The following LPIN3 variants were observed in gnomAD, a reference collection of about 807,000 sequenced individuals.
LPIN3 encodes phosphatidate phosphatase LPIN3.
A neutral mutation model predicts 94.7 loss-of-function variants in LPIN3; 82 were observed. The ratio of observed to expected loss-of-function variants is 0.87; its 90% CI spans 0.72 to 1.04. The LOEUF is 1.04. Ranked by LOEUF, LPIN3 falls within the 50% of genes least tolerant of loss-of-function variation. The pLI is 0.00. For synonymous variants in LPIN3, 418 were observed against 443.3 expected, an observed-to-expected ratio of 0.94 and a Z score of 0.72; for missense variants, 996 against 1,090.5, an observed-to-expected ratio of 0.91 and a Z score of 1.22.
At chr20:41,349,014 C>T in intron 4 of LPIN3, 78 bp from the exon 5 acceptor site, 2 of 1,587,404 alleles carry the variant, frequency 1.3e-6, no homozygotes, top group East Asian at 2.2e-5. Flanking sequence ...CCTTACCAAG[C>T]CCCTGATGTC....
At chr20:41,350,496 CT>C in intron 7 of LPIN3, 99 bp downstream of exon 7, 1 of 936,544 alleles carries the variant, frequency 1.1e-6, no homozygotes, top group Non-Finnish European at 1.6e-6. Context: ...CTGCTGTGTG[CT>C]AGGTGCTGTT....
chr20:41,346,047 TG>T, intron 2 of LPIN3, 52 bp downstream of exon 2: 1 of 1,568,866 alleles, frequency 6.4e-7, no homozygotes. Context: ...CTTTTTAAGC[TG>T]GGGCAGCCAC....
At chr20:41,351,300 A>T (rs1188602319) in intron 7 of LPIN3, among the ~76,000 whole-genome samples, 3 of 136,080 alleles carry the variant, frequency 2.2e-5, no homozygotes, top group African/African-American at 2.7e-5. Context: ...ATAAAATTCC[A>T]TTTTTTTTTT....
At chr20:41,355,108 GGGTTCAAGCGAT>G (rs1569007711) in intron 13 of LPIN3, among the ~76,000 whole-genome samples, 1 of 152,034 alleles carries the variant, frequency 6.6e-6, no homozygotes, top group Non-Finnish European at 1.5e-5. Context: ...TCCACCTCCC[GGGTTCAAGCGAT>G]TTTCCTGCCT....
At chr20:41,349,644 C>T (rs1219874420) in intron 5 of LPIN3, 130 bp from the exon 6 acceptor site, 16 of 1,130,528 alleles carry the variant, frequency 1.4e-5, no homozygotes, top group Non-Finnish European at 3.7e-6. Flanking sequence ...TAGATCTTTA[C>T]ATATTCCTTA....
Position 41,358,039 on chromosome 20 carries a change from C to A in LPIN3, c.2192+5C>A. 6.3e-7 allele frequency: 1 copy of A among 1,596,182 alleles called. No individual in the cohort carries two copies. Among genetic ancestry groups the A allele is most frequent in the Non-Finnish European group, 8.5e-7 (1 of 1,171,986 alleles). Reference sequence around the variant, plus strand: ...CCTCTTCTCTGCCCTCCACAGGTAACCACCCCTACACATACAAGCCCGTGG... The same window carrying A: ...CCTCTTCTCTGCCCTCCACAGGTAAACACCCCTACACATACAAGCCCGTGG... On this transcript the variant is annotated splice_donor_5th_base_variant and intron_variant, in intron 17 of 19. Transcript: ENST00000373257.
chr20:41,351,962 C>G, intron 8 of LPIN3, 42 bp downstream of exon 8: 1 of 1,613,698 alleles, frequency 6.2e-7, no homozygotes, highest in Non-Finnish European at 8.5e-7. Flanking sequence ...GGTCTGGGCT[C>G]CTGGGGCCAA....
intron 10 of LPIN3, 44 bp downstream of exon 10, chr20:41,352,743 C>T (rs1310484984): frequency 6.2e-7 from 1 of 1,612,392 alleles, no homozygotes; most frequent in Admixed American, 1.7e-5. Flanking sequence ...AGAGTCATTT[C>T]CCTCTTCACA....
In LPIN3 at chr20:41,354,730, C is replaced by T; in HGVS notation, c.1613C>T (p.Ala538Val). 2 of 1,607,296 alleles carry T rather than the reference C, an allele frequency of 1.2e-6. No individual in the cohort carries two copies. The highest frequency in any genetic ancestry group is 1.7e-6 in the Non-Finnish European group (2 of 1,176,040). ...WFSWRRRDFL[A>V]EERSAQKEKT... ...TCCTGGCGACGCAGGGACTTCCTGG[C>T]CGAGGAGGTGGGTGGTCACAGTCGA... Residue 538 changes from alanine (A) to valine (V), a missense_variant, in exon 12 of 20, where the codon GCC becomes GTC. Ala to Val is a moderately conservative substitution (Grantham distance 64, BLOSUM62 0). Coordinates refer to ENST00000373257, the MANE Select transcript of LPIN3 (RefSeq NM_022896.3).
At chr20:41,352,892 C>T in intron 11 of LPIN3, 25 bp downstream of exon 11, 1 of 1,612,684 alleles carries the variant, frequency 6.2e-7, no homozygotes, top group Non-Finnish European at 8.5e-7. Flanking sequence ...ACCACTGCCC[C>T]TGCTGGGGAA....
In LPIN3 at chr20:41,350,237, C is replaced by A; in HGVS notation, c.942C>A (p.Pro314=). 1 of 1,613,812 alleles carries A rather than the reference C, an allele frequency of 6.2e-7. No individual in the cohort carries two copies. The highest frequency in any genetic ancestry group is 1.1e-5 in the South Asian group (1 of 91,076). The change falls in exon 7 of 20, where the codon CCC becomes CCA. Residue 314 remains proline (P), a synonymous_variant. Coordinates refer to ENST00000373257, the MANE Select transcript of LPIN3 (RefSeq NM_022896.3). ...ACCTTCAGCCTGACACAGAGGATCC[C>A]ACTCTAGTGGGTCCCCCTCTCCACA... ...GADLQPDTED[P]TLVGPPLHTP... is the part of the protein sequence containing the mutation.
At chr20:41,348,555 C>T in intron 3 of LPIN3, 64 bp from the exon 4 acceptor site, 1 of 1,539,856 alleles carries the variant, frequency 6.5e-7, no homozygotes, top group Non-Finnish European at 8.8e-7. Context: ...CTCAAGATGA[C>T]TGTGTGGTGA....
In LPIN3 at chr20:41,358,259, G is replaced by A. The variant is rs781659803; in HGVS notation, c.2215G>A (p.Glu739Lys). 9.3e-6 allele frequency: 15 copies of A among 1,613,946 alleles called. No homozygotes were observed. The highest frequency in any genetic ancestry group is 1.3e-5 in the Non-Finnish European group (15 of 1,180,042). The change falls in exon 18 of 20, where the codon GAG (glutamate) becomes AAG (lysine). Residue 739 changes from glutamate (E) to lysine (K), a missense_variant. Coordinates refer to ENST00000373257, the MANE Select transcript of LPIN3 (RefSeq NM_022896.3). ...LHREVIEKKPEVFKVACLSDI... is the reference protein window; with the variant it reads ...LHREVIEKKPKVFKVACLSDI... Reference sequence around the variant, plus strand: ...CAGAGAGGTGATCGAGAAGAAACCAGAGGTGTTCAAGGTCGCCTGCCTGAG... The same window carrying A: ...CAGAGAGGTGATCGAGAAGAAACCAAAGGTGTTCAAGGTCGCCTGCCTGAG...
intron 1 of LPIN3, among the ~76,000 whole-genome samples, chr20:41,345,559 C>T (rs1409918806): frequency 6.6e-6 from 1 of 152,224 alleles, no homozygotes; most frequent in East Asian, 1.9e-4. Flanking sequence ...ATGTGGACAT[C>T]GGCACTTGGG....
In LPIN3 at chr20:41,352,598, G is replaced by C. The variant is rs745606257; in HGVS notation, c.1364-8G>C. The C allele has an allele frequency of 4.3e-6, 7 of 1,613,596 alleles. No homozygotes were observed. The highest frequency in any genetic ancestry group is 1.7e-4 in the Middle Eastern group (1 of 6,060). On this transcript the variant is annotated splice_polypyrimidine_tract_variant and splice_region_variant and intron_variant, in intron 9 of 19. Coordinates refer to ENST00000373257, the MANE Select transcript of LPIN3 (RefSeq NM_022896.3). ...CAGCCTCACCCCTCACTCTGCCTCT[G>C]TGCCCAGAGAAATTCAACCAGCACA...
chr20:41,352,754 A>C, intron 10 of LPIN3, 44 bp from the exon 11 acceptor site: 1 of 1,613,110 alleles, frequency 6.2e-7, no homozygotes, highest in Non-Finnish European at 8.5e-7. Context: ...CCTCTTCACA[A>C]CCCTGCAGCT....
chr20:41,349,243 G>GTGTCATTAGTCATCAGGAA, intron 5 of LPIN3, 71 bp downstream of exon 5: 3 of 1,337,950 alleles, frequency 2.2e-6, no homozygotes, highest in Admixed American at 1.8e-5. Context: ...CATTTTTCCT[G>GTGTCATTAGTCATCAGGAA]ATGACTAATG....
chr20:41,349,697 AT>A, intron 5 of LPIN3, 76 bp from the exon 6 acceptor site: 5 of 1,527,754 alleles, frequency 3.3e-6, no homozygotes, highest in South Asian at 2.6e-5. Flanking sequence ...GGTTGCACAT[AT>A]TTTTTTCCCT....
Position 41,349,076 on chromosome 20 carries a change from T to A in LPIN3, c.558-16T>A. On this transcript the variant is annotated splice_polypyrimidine_tract_variant and intron_variant, in intron 4 of 19. Transcript: ENST00000373257. ...CCTGCCTGATCAGTGACCATTTCCT[T>A]GTGGCCCCTTAGCAGTGTCCAGTTG... 3 of 1,613,960 alleles carry A rather than the reference T, an allele frequency of 1.9e-6. No individual in the cohort carries two copies. Among genetic ancestry groups the A allele is most frequent in the Non-Finnish European group, 2.5e-6 (3 of 1,179,870 alleles).
Sources: gnomAD v4.1 joint callset for allele counts (sites outside exome capture counted in the v4.1 genomes callset) on GRCh38, gnomAD v4.1.1 for gene constraint, MANE v1.5 for transcripts, NCBI Gene and HGNC (gene_info 2026-07-23, HGNC 2026-07-21) for gene names.